Variants in CADPS2 observed in about 807,000 individuals in gnomAD.
CADPS2 encodes the protein calcium-dependent secretion activator 2.
A neutral mutation model predicts 172.5 loss-of-function variants in CADPS2; 93 were observed. The observed-to-expected ratio is 0.54, with a 90% CI of 0.46 to 0.64. The LOEUF (loss-of-function observed/expected upper bound fraction) is 0.64. Among genes scored for constraint, CADPS2 ranks in the 30% least tolerant of loss-of-function variants. CADPS2 has a pLI of 0.00. For missense variants in CADPS2, 1,420 were observed against 1,565.9 expected (o/e 0.91, Z 1.57); for synonymous variants, 546 against 555.2 (o/e 0.98, Z 0.23).
intron 7 of CADPS2, among the ~76,000 whole-genome samples, chr7:122,563,494 T>C (rs2066011247): frequency 6.6e-6 from 1 of 152,176 alleles, no homozygotes; most frequent in Non-Finnish European, 1.5e-5. Context: ...AATAAATATC[T>C]AGAGGCAAAT....
chr7:122,695,932 G>T (rs1199410582), intron 2 of CADPS2, among the ~76,000 whole-genome samples: 9 of 152,088 alleles, frequency 5.9e-5, no homozygotes, highest in Admixed American at 3.9e-4. Flanking sequence ...ACAAATTCCT[G>T]AACTACCAGA....
chr7:122,476,180 T>C (rs936716655), intron 12 of CADPS2, among the ~76,000 whole-genome samples: 1 of 152,096 alleles, frequency 6.6e-6, no homozygotes. Context: ...AAAAATCTTT[T>C]AGTATCATTT....
intron 3 of CADPS2, among the ~76,000 whole-genome samples, chr7:122,647,990 A>G (rs1175175183): frequency 6.6e-6 from 1 of 152,184 alleles, no homozygotes. Flanking sequence ...AACCCACCTC[A>G]ATAAGGTTTG....
chr7:122,319,621 G>C lies in CADPS2; in HGVS notation c.*544C>G, dbSNP rs1332708668. 2.0e-5 allele frequency: 3 copies of C among 152,090 alleles called. No individual in the cohort carries two copies. The highest frequency in any genetic ancestry group is 4.4e-5 in the Non-Finnish European group (3 of 68,042). The allele number at this position is 152,090 out of a possible 1,614,324, so 9.4% of individuals were successfully genotyped here. The stretch of plus-strand genomic sequence containing the variant: ...GAATATACCTGTAGACCAATTCAAA[G>C]TACTAAGAACCAAGATTAAAGATTT... On this transcript the variant is annotated 3_prime_UTR_variant, in exon 30 of 30. Transcript: ENST00000449022.
chr7:122,803,880 G>A (rs1383240100), intron 1 of CADPS2, among the ~76,000 whole-genome samples: 1 of 150,812 alleles, frequency 6.6e-6, no homozygotes, highest in East Asian at 1.9e-4. Context: ...TTTCTCTAGG[G>A]GATGGGTTAC....
At chr7:122,397,449 G>C (rs977013795) in intron 20 of CADPS2, among the ~76,000 whole-genome samples, 4 of 129,624 alleles carry the variant, frequency 3.1e-5, no homozygotes, top group African/African-American at 5.8e-5. Flanking sequence ...TGATGGAGGG[G>C]AGAGGGAGAG....
chr7:122,578,067 GATATATATATGTGTATAT>G (rs1563757600), intron 7 of CADPS2, among the ~76,000 whole-genome samples: 1 of 149,770 alleles, frequency 6.7e-6, no homozygotes, highest in African/African-American at 2.5e-5. Flanking sequence ...TAGAAAAGTA[GATATATATATGTGTATAT>G]ATATACACAT....
intron 3 of CADPS2, among the ~76,000 whole-genome samples, chr7:122,662,722 A>G (rs35186619): frequency 0.036 from 5,484 of 152,268 alleles, 186 homozygotes; most frequent in Non-Finnish European, 0.049. Flanking sequence ...AAGAGAAAAT[A>G]TAATATTCAC....
chr7:122,384,051 A>T (rs1417885806), intron 24 of CADPS2, among the ~76,000 whole-genome samples: 1 of 152,082 alleles, frequency 6.6e-6, no homozygotes, highest in East Asian at 1.9e-4. Flanking sequence ...TGAGGATTCT[A>T]AACACTGAGG....
At chr7:122,487,191 G>T (rs1340747231) in intron 11 of CADPS2, among the ~76,000 whole-genome samples, 1 of 151,546 alleles carries the variant, frequency 6.6e-6, no homozygotes, top group Non-Finnish European at 1.5e-5. Context: ...TGCATTTTTT[G>T]TAGATACAGG....
chr7:122,580,503 A>T (rs951132636), intron 7 of CADPS2, among the ~76,000 whole-genome samples: 7 of 151,806 alleles, frequency 4.6e-5, no homozygotes, highest in Admixed American at 3.9e-4. Flanking sequence ...AGACATCTTC[A>T]TATAGACTAC....
At chr7:122,542,100 T>C (rs1485875061) in intron 8 of CADPS2, among the ~76,000 whole-genome samples, 2 of 151,922 alleles carry the variant, frequency 1.3e-5, no homozygotes, top group African/African-American at 4.8e-5. Flanking sequence ...TTAGTGATAC[T>C]AGTTCATTTA....
At chr7:122,329,719 G>C (rs1022528142) in intron 28 of CADPS2, among the ~76,000 whole-genome samples, 1 of 152,030 alleles carries the variant, frequency 6.6e-6, no homozygotes, top group Non-Finnish European at 1.5e-5. Context: ...CTTTATTTTG[G>C]AAGTTTTATT....
chr7:122,486,120 T>C (rs1384662092), intron 11 of CADPS2, among the ~76,000 whole-genome samples: 1 of 152,172 alleles, frequency 6.6e-6, no homozygotes, highest in East Asian at 1.9e-4. Flanking sequence ...AATGTTGTTT[T>C]CATGCTTGCT....
At chr7:122,653,986 G>A (rs2079462265) in intron 3 of CADPS2, among the ~76,000 whole-genome samples, 1 of 152,182 alleles carries the variant, frequency 6.6e-6, no homozygotes, top group Non-Finnish European at 1.5e-5. Context: ...CAAGTGAAAT[G>A]AAGAGTCGCA....
At chr7:122,494,026 G>A (rs2058532207) in intron 9 of CADPS2, among the ~76,000 whole-genome samples, 1 of 152,128 alleles carries the variant, frequency 6.6e-6, no homozygotes, top group Non-Finnish European at 1.5e-5. Flanking sequence ...GGCTGGGAAA[G>A]TACTTCGTAG....
chr7:122,355,845 C>G (rs1372207168), intron 27 of CADPS2, among the ~76,000 whole-genome samples: 1 of 152,148 alleles, frequency 6.6e-6, no homozygotes, highest in Admixed American at 6.5e-5. Context: ...CAAGGTCATA[C>G]AGTTTCAAGG....
chr7:122,648,928 G>A (rs753654258), intron 3 of CADPS2, among the ~76,000 whole-genome samples: 1 of 152,114 alleles, frequency 6.6e-6, no homozygotes, highest in South Asian at 2.1e-4. Flanking sequence ...GGGCTAATAT[G>A]TAGTTCCTGT....
intron 2 of CADPS2, among the ~76,000 whole-genome samples, chr7:122,706,829 T>TACAC (rs761323223): frequency 2.4e-4 from 36 of 149,120 alleles, no homozygotes; most frequent in African/African-American, 8.8e-4. Flanking sequence ...TATATGTATG[T>TACAC]ACACACACAC....
Sources: gnomAD v4.1 joint callset for allele counts (sites outside exome capture counted in the v4.1 genomes callset) on GRCh38, gnomAD v4.1.1 for gene constraint, MANE v1.5 for transcripts, NCBI Gene and HGNC (gene_info 2026-07-23, HGNC 2026-07-21) for gene names.